Variants in DAB1 observed in about 807,000 individuals in gnomAD.
DAB1 encodes the protein DAB adaptor protein 1.
In DAB1, 15 loss-of-function variants were observed where a neutral mutation model predicts 64.6. That is an observed-to-expected ratio of 0.23 (90% CI 0.16 to 0.36). The LOEUF (loss-of-function observed/expected upper bound fraction) is 0.36, where lower values mean the gene tolerates loss of function less well. Ranked by LOEUF, DAB1 falls within the 10% of genes least tolerant of loss-of-function variation. DAB1 has a pLI of 1.00. For missense variants in DAB1, 596 were observed against 706.7 expected (o/e 0.84, Z 1.78); for synonymous variants, 235 against 251.9 (o/e 0.93, Z 0.64).
intron 3 of DAB1, among the ~76,000 whole-genome samples, chr1:58,456,556 C>G (rs972045495): frequency 1.3e-5 from 2 of 152,020 alleles, no homozygotes; most frequent in Non-Finnish European, 2.9e-5. Flanking sequence ...TGAGTGAGGA[C>G]GGCAGAAGGA....
chr1:57,606,506 T>TGA, intron 7 of DAB1, among the ~76,000 whole-genome samples: 1 of 76,670 alleles, frequency 1.3e-5, no homozygotes, highest in African/African-American at 7.6e-5. Context: ...ATATAATATA[T>TGA]AATATAATAT....
intron 5 of DAB1, among the ~76,000 whole-genome samples, chr1:58,104,326 C>T (rs758315187): frequency 1.3e-5 from 2 of 152,148 alleles, no homozygotes; most frequent in Non-Finnish European, 2.9e-5. Flanking sequence ...AATGGGGAGG[C>T]TCAGGGAAGA....
At position 57,519,621 on chromosome 1, in the gene DAB1, G is replaced by T. The variant is rs139301466; in HGVS notation, n.625+129971C>A. Among the ~76,000 whole-genome samples, 512 of 152,268 alleles carry T rather than the reference G, an allele frequency of 3.4e-3. 7 individuals carry two copies. The highest frequency in any genetic ancestry group is 0.014 in the Middle Eastern group (4 of 294). Reference sequence around the variant, plus strand: ...AGGGTGCCCCTAGAGGGCTTTGAGGGCATGAAATTGGAATCACAAAAGAAT... The same window carrying T: ...AGGGTGCCCCTAGAGGGCTTTGAGGTCATGAAATTGGAATCACAAAAGAAT... On this transcript the variant is annotated intron_variant and non_coding_transcript_variant, in intron 7 of 20. Transcript: ENST00000485760.
At chr1:57,378,910 T>C (rs971122224) in intron 1 of DAB1, among the ~76,000 whole-genome samples, 10 of 152,220 alleles carry the variant, frequency 6.6e-5, no homozygotes, top group African/African-American at 2.4e-4. Context: ...AAACATTTCC[T>C]ACCTTTGATT....
chr1:58,431,035 C>T (rs1230754420), intron 3 of DAB1, among the ~76,000 whole-genome samples: 4 of 152,182 alleles, frequency 2.6e-5, no homozygotes, highest in African/African-American at 9.7e-5. Context: ...AGTAATTTGT[C>T]ATTTTGCAGA....
At chr1:57,185,893 G>A (rs763245681) in intron 2 of DAB1, among the ~76,000 whole-genome samples, 5 of 152,034 alleles carry the variant, frequency 3.3e-5, no homozygotes, top group Non-Finnish European at 5.9e-5. Flanking sequence ...CTCCCTCCCC[G>A]AGTACGAGAT....
intron 1 of DAB1, among the ~76,000 whole-genome samples, chr1:57,296,640 G>A (rs556567091): frequency 6.6e-6 from 1 of 152,180 alleles, no homozygotes; most frequent in African/African-American, 2.4e-5. Context: ...TTTAAATACC[G>A]ATATAATTAA....
At chr1:57,267,788 G>A (rs566255021) in intron 2 of DAB1, among the ~76,000 whole-genome samples, 28 of 152,222 alleles carry the variant, frequency 1.8e-4, no homozygotes, top group South Asian at 1.2e-3. Flanking sequence ...AACACATATC[G>A]GGAAACACAG....
At chr1:57,641,388 T>TTTTG (rs2101642434) in intron 7 of DAB1, among the ~76,000 whole-genome samples, 1 of 139,864 alleles carries the variant, frequency 7.1e-6, no homozygotes, top group South Asian at 2.4e-4. Context: ...GGTTTTTTTT[T>TTTTG]TTTTTTTTTT....
intron 2 of DAB1, among the ~76,000 whole-genome samples, chr1:58,510,232 C>T (rs1390342336): frequency 1.3e-5 from 2 of 151,896 alleles, no homozygotes; most frequent in Non-Finnish European, 2.9e-5. Context: ...AAATTCTTAA[C>T]AAAATACTAG....
chr1:57,373,289 G>C (rs1680643220), intron 1 of DAB1, among the ~76,000 whole-genome samples: 1 of 152,166 alleles, frequency 6.6e-6, no homozygotes, highest in South Asian at 2.1e-4. Context: ...TCTTCTGACT[G>C]GTTCTGTGAC....
chr1:57,237,786 G>T (rs780586589), intron 2 of DAB1, among the ~76,000 whole-genome samples: 1 of 152,194 alleles, frequency 6.6e-6, no homozygotes, highest in Non-Finnish European at 1.5e-5. Flanking sequence ...GTTTGCACTT[G>T]AAAACCACAT....
intron 5 of DAB1, among the ~76,000 whole-genome samples, chr1:57,928,562 A>T (rs1644911658): frequency 2.0e-5 from 3 of 152,236 alleles, no homozygotes; most frequent in Admixed American, 1.3e-4. Flanking sequence ...AGTTTCATAC[A>T]AAGTAGTTTC....
At chr1:57,243,196 C>T (rs1009911756) in intron 2 of DAB1, among the ~76,000 whole-genome samples, 6 of 152,194 alleles carry the variant, frequency 3.9e-5, no homozygotes, top group African/African-American at 1.2e-4. Context: ...TCAATACTTA[C>T]ATGTTTATTA....
At chr1:57,490,090 C>T (rs1322408674) in intron 7 of DAB1, among the ~76,000 whole-genome samples, 1 of 152,054 alleles carries the variant, frequency 6.6e-6, no homozygotes, top group African/African-American at 2.4e-5. Flanking sequence ...AAGAAGTGGC[C>T]CTCACCAGAT....
chr1:58,016,724 A>G (rs1380504772), intron 5 of DAB1, among the ~76,000 whole-genome samples: 1 of 152,158 alleles, frequency 6.6e-6, no homozygotes, highest in Admixed American at 6.5e-5. Context: ...CTGTCAATCC[A>G]GCTATAAAAT....
At chr1:57,171,861 T>C (rs1293248711) in intron 2 of DAB1, among the ~76,000 whole-genome samples, 1 of 152,240 alleles carries the variant, frequency 6.6e-6, no homozygotes, top group Non-Finnish European at 1.5e-5. Context: ...GACAGGTGTA[T>C]ATTAGTTTGC....
At chr1:58,122,330 T>A (rs1652796638) in intron 5 of DAB1, among the ~76,000 whole-genome samples, 2 of 152,212 alleles carry the variant, frequency 1.3e-5, no homozygotes, top group Admixed American at 6.5e-5. Flanking sequence ...GTGGGCCTAA[T>A]TTCCTGCTAA....
chr1:57,765,597 C>G (rs1649274782), intron 6 of DAB1, among the ~76,000 whole-genome samples: 1 of 152,110 alleles, frequency 6.6e-6, no homozygotes, highest in Non-Finnish European at 1.5e-5. Context: ...CTCTGCCTTA[C>G]CAAAGCAGCA....
Sources: allele counts gnomAD v4.1 joint callset (sites outside exome capture counted in the v4.1 genomes callset), GRCh38; gene constraint gnomAD v4.1.1; transcripts MANE v1.5; gene names NCBI Gene and HGNC (gene_info 2026-07-23, HGNC 2026-07-21).